Variants in LOXL3 observed in about 807,000 individuals in gnomAD.
LOXL3 encodes the protein lysyl oxidase homolog 3.
LOXL3 carries 60 observed loss-of-function variants against 91.8 expected under a neutral mutation model. The ratio of observed to expected loss-of-function variants is 0.65; its 90% CI spans 0.53 to 0.81. LOXL3 has a LOEUF of 0.81. Ranked by LOEUF, LOXL3 falls within the 30% of genes least tolerant of loss-of-function variation. The pLI is 0.00. For missense variants in LOXL3, 874 were observed against 1,000.4 expected (o/e 0.87, Z 1.70); for synonymous variants, 355 against 387.6 (o/e 0.92, Z 0.99).
At chr2:74,540,664 C>CTTT (rs562377307) in intron 4 of LOXL3, among the ~76,000 whole-genome samples, 3 of 138,658 alleles carry the variant, frequency 2.2e-5, no homozygotes, top group African/African-American at 7.9e-5. Flanking sequence ...ATAATTTTTC[C>CTTT]TTTTTTTTTT....
intron 4 of LOXL3, among the ~76,000 whole-genome samples, chr2:74,548,186 G>T (rs1402264565): frequency 6.6e-6 from 1 of 152,246 alleles, no homozygotes; most frequent in Non-Finnish European, 1.5e-5. Context: ...CAGCAGAGGA[G>T]GCTGAGGGGA....
At chr2:74,546,489 GT>G (rs988431639) in intron 4 of LOXL3, among the ~76,000 whole-genome samples, 27 of 152,168 alleles carry the variant, frequency 1.8e-4, no homozygotes, top group African/African-American at 6.5e-4. Flanking sequence ...TCCAGCCACA[GT>G]GGCCTCCAGG....
chr2:74,555,417 A>C (rs1404246132), upstream of LOXL3: 1 of 1,611,250 alleles, frequency 6.2e-7, no homozygotes. This position sits in a 1 kb window ranked among gnomAD's most constrained non-coding sequence, Gnocchi z 6.1. Context: ...CGTCCAGTGC[A>C]GCCTGGGTGC....
Position 74,535,223 on chromosome 2 carries a change from C to G in LOXL3, c.1579+69G>C. 6.5e-7 allele frequency: 1 copy of G among 1,527,408 alleles called. No individual in the cohort carries two copies. 94.6% of individuals were successfully genotyped at this position (1,527,408 alleles called of 1,614,324 possible). A position where few individuals can be genotyped will look rare whatever the true frequency, so the allele number is the denominator to read the frequency against. On this transcript the variant is annotated intron_variant, in intron 9 of 13. Coordinates refer to ENST00000264094, the MANE Select transcript of LOXL3 (RefSeq NM_032603.5). This position sits in a 1 kb window ranked among gnomAD's most constrained non-coding sequence, Gnocchi z 4.2. ...AGAAGTGCCCCTCCAGATTACAGCC[C>G]CCTTTCCCTGCAAACGGGTGGCCCA...
intron 4 of LOXL3, among the ~76,000 whole-genome samples, chr2:74,543,465 G>A (rs1217979930): frequency 6.6e-6 from 1 of 152,034 alleles, no homozygotes; most frequent in African/African-American, 2.4e-5. Context: ...AAACCTAGGG[G>A]TCAATCCTGA....
chr2:74,538,707 A>G (rs1676156530), intron 4 of LOXL3, among the ~76,000 whole-genome samples: 1 of 152,196 alleles, frequency 6.6e-6, no homozygotes, highest in East Asian at 1.9e-4. Flanking sequence ...AGCTGGTAGC[A>G]CTTATTTTTA....
At chr2:74,554,755 A>T, upstream of LOXL3, 3 of 1,612,076 alleles carry the variant, frequency 1.9e-6, no homozygotes, top group Non-Finnish European at 2.5e-6. The surrounding 1 kb of genome is among the most constrained non-coding windows in gnomAD (Gnocchi z 4.9). Context: ...GCCGGGGGCC[A>T]TGGACGGAGC....
chr2:74,533,487 A>T lies in LOXL3; in HGVS notation c.*119T>A. 6.2e-6 allele frequency: 5 copies of T among 803,822 alleles called. No homozygotes were observed. Among genetic ancestry groups the T allele is most frequent in the Non-Finnish European group, 1.0e-5 (5 of 486,548 alleles). 49.8% of individuals were successfully genotyped at this position (803,822 alleles called of 1,614,324 possible). On this transcript the variant is annotated 3_prime_UTR_variant, in exon 14 of 14. Transcript: ENST00000264094. ...TTCTGCTTGACAGTTCCACATCCAT[A>T]GTGCATGGTCTGATGAGTGCGGTTG... is the stretch of plus-strand genomic sequence containing the variant.
chr2:74,555,627 T>C, upstream of LOXL3: 1 of 1,614,130 alleles, frequency 6.2e-7, no homozygotes. The surrounding 1 kb of genome is among the most constrained non-coding windows in gnomAD (Gnocchi z 6.1). Flanking sequence ...CTTTCTGCCC[T>C]GGAGATGCTG....
At chr2:74,542,846 A>G (rs1676400636) in intron 4 of LOXL3, among the ~76,000 whole-genome samples, 1 of 152,024 alleles carries the variant, frequency 6.6e-6, no homozygotes, top group African/African-American at 2.4e-5. Flanking sequence ...GCTGGTCTCA[A>G]ACTCCTGATC....
chr2:74,552,432 G>A lies in LOXL3; in HGVS notation c.203C>T (p.Thr68Ile), dbSNP rs1045315730. The A allele has an allele frequency of 8.1e-6, 13 of 1,613,926 alleles. No homozygotes were observed. Among genetic ancestry groups the A allele is most frequent in the Non-Finnish European group, 1.1e-5 (13 of 1,179,922 alleles). ...CAGCGTGAAGTCATCATCGCAGATG[G>A]TGCCCCATTCACCAGCTCGCTGTAT... ...VEIQRAGEWG[T>I]ICDDDFTLQA... is the part of the protein sequence containing the mutation. Residue 68 changes from threonine to isoleucine, a missense_variant, in exon 2 of 14, where the codon ACC becomes ATC. Transcript: ENST00000264094.
intron 4 of LOXL3, among the ~76,000 whole-genome samples, chr2:74,543,778 G>A (rs540101722): frequency 9.9e-5 from 15 of 151,484 alleles, no homozygotes; most frequent in African/African-American, 2.7e-4. Context: ...GCGCGTGCCC[G>A]TAATCCCAGC....
At chr2:74,541,207 G>A (rs1229765653) in intron 4 of LOXL3, among the ~76,000 whole-genome samples, 1 of 152,142 alleles carries the variant, frequency 6.6e-6, no homozygotes, top group African/African-American at 2.4e-5. Flanking sequence ...ATGATTTAAA[G>A]CATACAGAGG....
rs991006211 is a variant in LOXL3 at position 74,536,548 on chromosome 2, T to G, written c.913-77A>C. On this transcript the variant is annotated intron_variant, in intron 5 of 13. Coordinates refer to ENST00000264094, the MANE Select transcript of LOXL3 (RefSeq NM_032603.5). The surrounding 1 kb of genome is among the most constrained non-coding windows in gnomAD (Gnocchi z 4.5). ...GGGCTAAGCAGACCTGGGAGATGAGTGAGACTTTGGTGGAAGGGAGTGGGT... is the reference window on the plus strand; with the variant it reads ...GGGCTAAGCAGACCTGGGAGATGAGGGAGACTTTGGTGGAAGGGAGTGGGT... The G allele has an allele frequency of 2.1e-5, 31 of 1,508,560 alleles. No individual in the cohort carries two copies. Among genetic ancestry groups the G allele is most frequent in the Non-Finnish European group, 2.6e-5 (29 of 1,112,096 alleles). 93.4% of individuals were successfully genotyped at this position (1,508,560 alleles called of 1,614,324 possible).
upstream of LOXL3, chr2:74,554,894 C>T (rs771264270): frequency 1.3e-6 from 2 of 1,586,254 alleles, no homozygotes; most frequent in Admixed American, 1.8e-5. The surrounding 1 kb of genome is among the most constrained non-coding windows in gnomAD (Gnocchi z 4.9). Context: ...AGGTGGGCAG[C>T]GGGCTGGAGA....
At chr2:74,540,490 C>G (rs1676265101) in intron 4 of LOXL3, among the ~76,000 whole-genome samples, 1 of 152,056 alleles carries the variant, frequency 6.6e-6, no homozygotes, top group Admixed American at 6.6e-5. Context: ...GGACCAGGAC[C>G]AAGAACCAAG....
chr2:74,554,916 A>C (rs1573037904), upstream of LOXL3: 1 of 1,551,534 alleles, frequency 6.4e-7, no homozygotes, highest in Non-Finnish European at 8.8e-7. This position sits in a 1 kb window ranked among gnomAD's most constrained non-coding sequence, Gnocchi z 4.9. Flanking sequence ...CGGCGCCGGG[A>C]GTTGGAGAGC....
intron 4 of LOXL3, among the ~76,000 whole-genome samples, chr2:74,538,096 C>T (rs990082468): frequency 2.0e-5 from 3 of 152,184 alleles, no homozygotes; most frequent in Non-Finnish European, 4.4e-5. Context: ...TAAATGGATC[C>T]TGAAGATCTA....
chr2:74,548,043 A>T (rs1676714176), intron 4 of LOXL3, among the ~76,000 whole-genome samples: 1 of 152,268 alleles, frequency 6.6e-6, no homozygotes. Context: ...CATATTTTAC[A>T]GCTGATGATT....
Sources: gnomAD v4.1 joint callset for allele counts (sites outside exome capture counted in the v4.1 genomes callset) on GRCh38, gnomAD v4.1.1 for gene constraint, Gnocchi (gnomAD v3.1) non-coding constraint, MANE v1.5 for transcripts, NCBI Gene and HGNC (gene_info 2026-07-23, HGNC 2026-07-21) for gene names.